The following GAB4 variants were observed in gnomAD, a reference collection of about 807,000 sequenced individuals.
GAB4 encodes GRB2-associated-binding protein 4.
GAB4 carries 26 observed loss-of-function variants against 51.3 expected under a neutral mutation model. The observed-to-expected ratio is 0.51, with a 90% CI of 0.37 to 0.70. The LOEUF (loss-of-function observed/expected upper bound fraction) is 0.70. Among genes scored for constraint, GAB4 ranks in the 30% least tolerant of loss-of-function variants. The probability of loss-of-function intolerance (pLI) is 0.00; values close to 1 mark genes in which losing one functional copy is unlikely to be tolerated. For missense variants in GAB4, 759 were observed against 734.6 expected, an observed-to-expected ratio of 1.03 and a Z score of -0.38; for synonymous variants, 329 against 291.2, an observed-to-expected ratio of 1.13 and a Z score of -1.32.
At position 16,987,992 on chromosome 22, in the gene GAB4, G is replaced by A. The variant is rs1408282476; in HGVS notation, c.654C>T (p.His218=). ...GTTCTGCTCTCTGGCTGGCGTGCTG[G>A]TGCGAGCGGAGACACCCCGGAGGTG... The part of the protein sequence containing the change: ...IPAPPGCLRS[H]QHASQRAEHA... The change falls in exon 3 of 10, where the codon CAC becomes CAT. Residue 218 remains histidine (H), a synonymous_variant. Transcript: ENST00000400588. The A allele has an allele frequency of 6.2e-7, 1 of 1,608,750 alleles. No individual in the cohort carries two copies. Among genetic ancestry groups the A allele is most frequent in the Non-Finnish European group, 8.5e-7 (1 of 1,178,370 alleles).
At chr22:16,964,409 T>C (rs936870643) in intron 8 of GAB4, among the ~76,000 whole-genome samples, 6 of 152,136 alleles carry the variant, frequency 3.9e-5, no homozygotes, top group African/African-American at 1.4e-4. Flanking sequence ...CATCTCCACG[T>C]CTCTCACAGC....
chr22:16,978,912 C>G (rs2060803562), intron 3 of GAB4, among the ~76,000 whole-genome samples: 1 of 152,134 alleles, frequency 6.6e-6, no homozygotes, highest in Non-Finnish European at 1.5e-5. Context: ...ATCATATAAA[C>G]AGAACCAATG....
rs148093816 is a variant in GAB4 at position 16,993,436 on chromosome 22, G to C, written c.175-1260C>G. Among the ~76,000 whole-genome samples, 35 of 152,252 alleles carry C rather than the reference G, an allele frequency of 2.3e-4. 2 individuals carry two copies. In the East Asian group the frequency reaches 4.6e-3, roughly 20 times the overall value. ...TATCACAACTCTTTAGAACCCAAGA[G>C]AGTCCTACACTCTAGGACTCCTACC... On this transcript the variant is annotated intron_variant, in intron 1 of 9. Coordinates refer to ENST00000400588, the MANE Select transcript of GAB4 (RefSeq NM_001037814.1).
chr22:17,006,782 T>C (rs544882683), intron 1 of GAB4, among the ~76,000 whole-genome samples: 2 of 152,286 alleles, frequency 1.3e-5, no homozygotes, highest in African/African-American at 4.8e-5. Flanking sequence ...CGCCATGTTC[T>C]CACTCATAAG....
rs768483420 is a variant in GAB4, at chr22:17,008,099, G to A, written c.16C>T (p.Pro6Ser). 1.9e-6 allele frequency: 3 copies of A among 1,604,806 alleles called. No individual in the cohort carries two copies. Among genetic ancestry groups the A allele is most frequent in the South Asian group, 1.1e-5 (1 of 89,570 alleles). MSLPS[P>S]SPSRELCPPD... ...GGGCACAGCTCCCGGGAGGGTGAGG[G>A]GGACGGCAGGGACATGGGGGCTGCA... is the stretch of plus-strand genomic sequence containing the variant. Residue 6 changes from proline (P) to serine (S), a missense_variant, in exon 1 of 10, where the codon CCC becomes TCC. Transcript: ENST00000400588.
chr22:16,969,504 G>A (rs1196305213), intron 4 of GAB4: 7 of 471,282 alleles, frequency 1.5e-5, no homozygotes, highest in Non-Finnish European at 2.2e-5. Flanking sequence ...AGTGACCTGA[G>A]TGGCTCCCAA....
Position 16,988,055 on chromosome 22 carries a change from C to CG in GAB4, c.590dup (p.Val198GlyfsTer41). 4 of 1,607,280 alleles carry CG rather than the reference C, an allele frequency of 2.5e-6. No individual in the cohort carries two copies. The highest frequency in any genetic ancestry group is 3.4e-6 in the Non-Finnish European group (4 of 1,177,016). On this transcript the variant is annotated frameshift_variant, in exon 3 of 10. Coordinates refer to ENST00000400588, the MANE Select transcript of GAB4 (RefSeq NM_001037814.1). LOFTEE classifies it high-confidence loss of function. ...AGGTGGGCGGCACACAGTGAGACAC[C>CG]GGGGGCTCAGATGTGGGTTCTTGTT...
At chr22:16,981,087 T>C (rs1027947273) in intron 3 of GAB4, among the ~76,000 whole-genome samples, 2 of 151,988 alleles carry the variant, frequency 1.3e-5, no homozygotes, top group African/African-American at 4.8e-5. Context: ...AGCAAACCAC[T>C]ATGGTGCGTG....
intron 3 of GAB4, among the ~76,000 whole-genome samples, chr22:16,983,554 T>C (rs1306990128): frequency 1.3e-5 from 2 of 152,142 alleles, no homozygotes; most frequent in Non-Finnish European, 2.9e-5. Flanking sequence ...CTTCAAAATA[T>C]ACTACAAAGC....
In GAB4 at chr22:16,992,140, G is replaced by T. The variant is rs746487522; in HGVS notation, c.211C>A (p.Gln71Lys). Reference protein sequence around the residue: ...RKRWFILRRGQTSSDPDVLEY... With the variant: ...RKRWFILRRGKTSSDPDVLEY... Reference sequence around the variant, plus strand: ...AGAACATCTGGGTCACTGCTAGTCTGGCCCCTCCGCAGGATAAACCAGCGT... The same window carrying T: ...AGAACATCTGGGTCACTGCTAGTCTTGCCCCTCCGCAGGATAAACCAGCGT... The change falls in exon 2 of 10, where the codon CAG becomes AAG. Residue 71 changes from glutamine to lysine, a missense_variant. By Grantham distance (53) the Gln-to-Lys change is moderately conservative (BLOSUM62 1). Around this residue, in one of 3 missense-constraint regions of GAB4, gnomAD observed 88 missense variants for 151.3 expected, o/e 0.58. Coordinates refer to ENST00000400588, the MANE Select transcript of GAB4 (RefSeq NM_001037814.1). 58 of 1,613,336 alleles carry T rather than the reference G, an allele frequency of 3.6e-5. No individual in the cohort carries two copies. The highest frequency in any genetic ancestry group is 4.7e-5 in the Non-Finnish European group (56 of 1,179,446).
chr22:16,981,230 AG>A (rs2060825119), intron 3 of GAB4, among the ~76,000 whole-genome samples: 1 of 151,300 alleles, frequency 6.6e-6, no homozygotes, highest in South Asian at 2.1e-4. Flanking sequence ...CCCTTAAAAA[AG>A]TTCAAAAGTA....
In GAB4 at chr22:16,966,330, A is replaced by G; in HGVS notation, c.1058T>C (p.Ile353Thr). ...GGGCACACAGCTGCCCTCAGAAGCA[A>G]TGCTGTCTGACAGGCCCACAAGCGT... ...GRTLVGLSDS[I>T]ASEGSCVPMN... Residue 353 changes from isoleucine to threonine, a missense_variant, in exon 6 of 10, where the codon ATT becomes ACT. Ile to Thr is a moderately conservative substitution (Grantham distance 89). This residue lies in a region of GAB4 where 588 missense variants were observed against 510.2 expected (regional missense o/e 1.15). Coordinates refer to ENST00000400588, the MANE Select transcript of GAB4 (RefSeq NM_001037814.1). 2 of 1,613,566 alleles carry G rather than the reference A, an allele frequency of 1.2e-6. No homozygotes were observed. Among genetic ancestry groups the G allele is most frequent in the Non-Finnish European group, 1.7e-6 (2 of 1,179,918 alleles).
intron 2 of GAB4, among the ~76,000 whole-genome samples, chr22:16,990,379 C>T (rs1388726893): frequency 6.6e-6 from 1 of 152,158 alleles, no homozygotes; most frequent in African/African-American, 2.4e-5. Flanking sequence ...GAATCAAGCC[C>T]AGTGTGTAAC....
At chr22:16,982,230 A>T (rs762110828) in intron 3 of GAB4, among the ~76,000 whole-genome samples, 7 of 152,236 alleles carry the variant, frequency 4.6e-5, no homozygotes, top group Admixed American at 6.5e-5. Flanking sequence ...GAAAAGGAAG[A>T]AGTAAAATTG....
chr22:17,008,084 C>T lies in GAB4; in HGVS notation c.31G>A (p.Glu11Lys), dbSNP rs200341314. Residue 11 changes from glutamate to lysine, a missense_variant, in exon 1 of 10, where the codon GAG becomes AAG. Coordinates refer to ENST00000400588, the MANE Select transcript of GAB4 (RefSeq NM_001037814.1). ...AATGCCGGGTCAGGTGGGCACAGCT[C>T]CCGGGAGGGTGAGGGGGACGGCAGG... MSLPSPSPSRELCPPDPAFAP... is the reference protein window; with the variant it reads MSLPSPSPSRKLCPPDPAFAP... 6.2e-7 allele frequency: 1 copy of T among 1,607,684 alleles called. No individual in the cohort carries two copies. Among genetic ancestry groups the T allele is most frequent in the East Asian group, 2.2e-5 (1 of 44,706 alleles).
intron 1 of GAB4, among the ~76,000 whole-genome samples, chr22:16,998,778 C>T (rs1037837593): frequency 6.6e-5 from 10 of 151,964 alleles, no homozygotes; most frequent in Admixed American, 1.3e-4. Context: ...TATTGGCTGT[C>T]GGTTTGTCAT....
At position 16,964,750 on chromosome 22, in the gene GAB4, AC is replaced by A. The variant is rs66644740; in HGVS notation, c.1476+15del. ...GGACTCTGATAGGAGCCTTACAGTG[AC>A]CCCCAAGGACTCACCGGGAAAAGAT... On this transcript the variant is annotated intron_variant, in intron 8 of 9. Coordinates refer to ENST00000400588, the MANE Select transcript of GAB4 (RefSeq NM_001037814.1). 4.3e-3 allele frequency: 6,746 copies of A among 1,569,974 alleles called. 245 individuals are homozygous for A. In the African/African-American group the frequency reaches 0.078, roughly 18 times the overall value.
At chr22:16,992,956 C>T (rs1423844943) in intron 1 of GAB4, among the ~76,000 whole-genome samples, 1 of 152,078 alleles carries the variant, frequency 6.6e-6, no homozygotes, top group Non-Finnish European at 1.5e-5. Flanking sequence ...CAACTCCTGG[C>T]CTCATATGAT....
At chr22:16,982,692 C>T (rs2123686907) in intron 3 of GAB4, among the ~76,000 whole-genome samples, 1 of 152,226 alleles carries the variant, frequency 6.6e-6, no homozygotes, top group South Asian at 2.1e-4. Flanking sequence ...ATCAGAACAG[C>T]CAAAGCAACC....
Sources: allele counts gnomAD v4.1 joint callset (sites outside exome capture counted in the v4.1 genomes callset), GRCh38; gene constraint gnomAD v4.1.1; regional missense constraint gnomAD v4.1.1; transcripts MANE v1.5; gene names NCBI Gene and HGNC (gene_info 2026-07-23, HGNC 2026-07-21).